The following CFAP20 variants were observed in gnomAD, a reference collection of about 807,000 sequenced individuals.
The protein encoded by CFAP20 is cilia and flagella associated protein 20, also known as cilia- and flagella-associated protein 20.
CFAP20 carries 14 observed loss-of-function variants against 25.5 expected under a neutral mutation model. That is an observed-to-expected ratio of 0.55 (90% CI 0.36 to 0.86). The LOEUF is 0.86. Ranked by LOEUF, CFAP20 falls within the 40% of genes least tolerant of loss-of-function variation. The pLI is 0.01. For synonymous variants in CFAP20, 75 were observed against 91.1 expected (o/e 0.82, Z 1.01); for missense variants, 181 against 248.0 (o/e 0.73, Z 1.81).
At chr16:58,114,079 T>C (rs1465855856) in intron 5 of CFAP20, 49 bp from the exon 6 acceptor site, 3 of 1,600,036 alleles carry the variant, frequency 1.9e-6, no homozygotes, top group South Asian at 1.1e-5. Flanking sequence ...TACTAGAAAA[T>C]AGATGGTCAG....
chr16:58,114,725 G>T, intron 5 of CFAP20, 85 bp downstream of exon 5: 2 of 1,082,508 alleles, frequency 1.8e-6, no homozygotes, highest in Non-Finnish European at 1.4e-6. Flanking sequence ...AGGCTCTGCA[G>T]CTGAATTCTT....
At chr16:58,123,412 C>A (rs567835436) in intron 1 of CFAP20, among the ~76,000 whole-genome samples, 1 of 148,716 alleles carries the variant, frequency 6.7e-6, no homozygotes, top group Non-Finnish European at 1.5e-5. Context: ...CTGGCTAACA[C>A]GGTGAAAACC....
intron 1 of CFAP20, 33 bp downstream of exon 1, chr16:58,128,996 CCCT>C: frequency 6.3e-6 from 10 of 1,592,092 alleles, no homozygotes; most frequent in African/African-American, 1.3e-5. Context: ...GGGGTGCAGC[CCCT>C]CCACCCCGCC....
chr16:58,115,511 C>T (rs1467150407), intron 3 of CFAP20, 54 bp from the exon 4 acceptor site: 3 of 1,580,916 alleles, frequency 1.9e-6, no homozygotes, highest in Admixed American at 3.6e-5. Flanking sequence ...AAGAAGCACA[C>T]AACCTTGTCC....
At chr16:58,123,320 G>A (rs1473085723) in intron 1 of CFAP20, among the ~76,000 whole-genome samples, 1 of 144,446 alleles carries the variant, frequency 6.9e-6, no homozygotes, top group African/African-American at 2.5e-5. Context: ...AAATTGGCTG[G>A]GCGCAGTGGC....
chr16:58,118,986 A>G (rs1006249408), intron 1 of CFAP20: 5 of 152,230 alleles, frequency 3.3e-5, no homozygotes, highest in Non-Finnish European at 7.3e-5. Context: ...CAATGACTCA[A>G]TCACACTGAC....
intron 5 of CFAP20, 98 bp downstream of exon 5, chr16:58,114,712 G>T: frequency 1.1e-6 from 1 of 934,544 alleles, no homozygotes; most frequent in South Asian, 1.5e-5. Context: ...TGTCAACACA[G>T]AGAGGCTCTG....
intron 1 of CFAP20, 81 bp downstream of exon 1, chr16:58,128,951 C>T: frequency 6.8e-7 from 1 of 1,469,584 alleles, no homozygotes; most frequent in Non-Finnish European, 9.3e-7. Context: ...CAATTCGACA[C>T]AACCATTCCC....
In CFAP20 at chr16:58,113,732, T is replaced by G; in HGVS notation, c.*293A>C. The G allele has an allele frequency of 2.5e-6, 1 of 396,294 alleles. No homozygotes were observed. 24.5% of individuals were successfully genotyped at this position (396,294 alleles called of 1,614,324 possible). A position where few individuals can be genotyped will look rare whatever the true frequency, so the allele number is the denominator to read the frequency against. On this transcript the variant is annotated 3_prime_UTR_variant, in exon 6 of 6. Transcript: ENST00000262498. ...GTCTGGAATTCCTTATGGGCCATCT[T>G]TAATTCTGTAAGTTCATGGTAAAGG...
In CFAP20 at chr16:58,129,206, GC is replaced by G. The variant is rs1960674777; in HGVS notation, c.-92del. The G allele has an allele frequency of 2.1e-6, 3 of 1,397,810 alleles. No individual in the cohort carries two copies. Among genetic ancestry groups the G allele is most frequent in the Middle Eastern group, 3.5e-4 (2 of 5,684 alleles). The allele number at this position is 1,397,810 out of a possible 1,614,324, so 86.6% of individuals were successfully genotyped here. ...CCGAGCGTCGAGGGCACAGCAGCAG[GC>G]CGGCCCTGTTCCGAAGAAGGGTGGT... On this transcript the variant is annotated 5_prime_UTR_variant, in exon 1 of 6. Transcript: ENST00000262498.
chr16:58,125,548 G>A (rs536610073), intron 1 of CFAP20, among the ~76,000 whole-genome samples: 8 of 152,214 alleles, frequency 5.3e-5, no homozygotes, highest in Non-Finnish European at 1.0e-4. Flanking sequence ...GTGAGGTGTG[G>A]TGGTGAGGGC....
At chr16:58,117,549 C>T (rs2142365481) in intron 1 of CFAP20, among the ~76,000 whole-genome samples, 1 of 152,310 alleles carries the variant, frequency 6.6e-6, no homozygotes, top group South Asian at 2.1e-4. Context: ...TTGCCTCAGC[C>T]TCCTGAGTAG....
At chr16:58,117,477 G>A (rs1960472993) in intron 1 of CFAP20, among the ~76,000 whole-genome samples, 1 of 152,136 alleles carries the variant, frequency 6.6e-6, no homozygotes, top group Admixed American at 6.5e-5. Context: ...CGCCCAGGCT[G>A]GAGTGCAATG....
chr16:58,120,430 T>C (rs973096522), intron 1 of CFAP20, among the ~76,000 whole-genome samples: 6 of 152,190 alleles, frequency 3.9e-5, no homozygotes, highest in African/African-American at 1.4e-4. Flanking sequence ...CCTCCCTCAG[T>C]TCCAGAAAGA....
chr16:58,114,109 C>T lies in CFAP20; in HGVS notation c.577-79G>A, dbSNP rs573649492. 2.4e-4 allele frequency: 346 copies of T among 1,450,398 alleles called. No individual in the cohort carries two copies. In the Middle Eastern group the frequency reaches 4.5e-3, roughly 19 times the overall value. The allele number at this position is 1,450,398 out of a possible 1,614,324, so 89.8% of individuals were successfully genotyped here. ...GGTCAGTGTCACAGGCCCCCTGCCT[C>T]TGGTGACACTTGAGTGGACAGTGAC... On this transcript the variant is annotated intron_variant, in intron 5 of 5. Transcript: ENST00000262498.
chr16:58,121,426 A>G (rs1372382517), intron 1 of CFAP20, among the ~76,000 whole-genome samples: 1 of 152,230 alleles, frequency 6.6e-6, no homozygotes, highest in Non-Finnish European at 1.5e-5. Context: ...GATCACAAAG[A>G]GCCGACTGTT....
rs769848637 is a variant in CFAP20 at position 58,115,489 on chromosome 16, GCT to G, written c.277-34_277-33del. On this transcript the variant is annotated intron_variant, in intron 3 of 5. Coordinates refer to ENST00000262498, the MANE Select transcript of CFAP20 (RefSeq NM_013242.3). The stretch of plus-strand genomic sequence containing the variant: ...AATACAGAGAAGAAGCATCACACTA[GCT>G]CTGTCTTGGAAGAAGCACACAACCT... 24 of 1,606,750 alleles carry G rather than the reference GCT, an allele frequency of 1.5e-5. No homozygotes were observed. The Admixed American group carries it at 3.8e-4, about 25-fold the overall frequency.
chr16:58,114,904 C>A lies in CFAP20; in HGVS notation c.482G>T (p.Arg161Leu). 6.2e-7 allele frequency: 1 copy of A among 1,613,486 alleles called. No homozygotes were observed. Among genetic ancestry groups the A allele is most frequent in the Non-Finnish European group, 8.5e-7 (1 of 1,179,484 alleles). ...TLRVQIHANCRIRRVYFSDRL... is the reference protein window; with the variant it reads ...TLRVQIHANCLIRRVYFSDRL... ...GTCTGAGAAGTAAACCCGTCGGATG[C>A]GACAATTTGCATGGATCTGTCAAGG... Residue 161 changes from arginine (R) to leucine (L), a missense_variant, in exon 5 of 6, where the codon CGC (arginine) becomes CTC (leucine). Coordinates refer to ENST00000262498, the MANE Select transcript of CFAP20 (RefSeq NM_013242.3).
intron 1 of CFAP20, among the ~76,000 whole-genome samples, chr16:58,128,159 AAAGT>A (rs1960645680): frequency 6.6e-6 from 1 of 152,224 alleles, no homozygotes; most frequent in African/African-American, 2.4e-5. Flanking sequence ...ACGAAATACC[AAAGT>A]AATAAAATGC....
Sources: allele counts gnomAD v4.1 joint callset (sites outside exome capture counted in the v4.1 genomes callset), GRCh38; gene constraint gnomAD v4.1.1; transcripts MANE v1.5; gene names NCBI Gene and HGNC (gene_info 2026-07-23, HGNC 2026-07-21).